Variants in HK2 observed in about 807,000 individuals in gnomAD.
The protein encoded by HK2 is hexokinase-2.
In HK2, 42 loss-of-function variants were observed where a neutral mutation model predicts 92.9. The observed-to-expected ratio is 0.45, with a 90% CI of 0.35 to 0.58. The LOEUF (loss-of-function observed/expected upper bound fraction) is 0.58. Ranked by LOEUF, HK2 falls within the 20% of genes least tolerant of loss-of-function variation. The pLI, the probability that HK2 is intolerant of heterozygous loss-of-function variation, is 0.00. For missense variants in HK2, 978 were observed against 1,245.1 expected (o/e 0.79, Z 3.23); for synonymous variants, 422 against 468.0 (o/e 0.90, Z 1.27).
chr2:74,874,252 C>T lies in HK2; in HGVS notation c.692-14C>T, dbSNP rs1326166508. On this transcript the variant is annotated splice_polypyrimidine_tract_variant and intron_variant, in intron 6 of 17. Transcript: ENST00000290573. ...CGGAGCAGGCGTGTGCATAGCCGTCCCTTGTTTTGGCAGGCACGGGCAGCA... is the reference window on the plus strand; with the variant it reads ...CGGAGCAGGCGTGTGCATAGCCGTCTCTTGTTTTGGCAGGCACGGGCAGCA... 3 of 1,614,016 alleles carry T rather than the reference C, an allele frequency of 1.9e-6. No individual in the cohort carries two copies. The highest frequency in any genetic ancestry group is 2.5e-6 in the Non-Finnish European group (3 of 1,180,018).
intron 6 of HK2, 149 bp downstream of exon 6, chr2:74,874,092 C>A: frequency 1.0e-6 from 1 of 973,572 alleles, no homozygotes; most frequent in Non-Finnish European, 1.6e-6. Flanking sequence ...CGAGCAGGGA[C>A]TCATGGAGTT....
intron 2 of HK2, among the ~76,000 whole-genome samples, chr2:74,857,607 C>G (rs964007567): frequency 6.6e-6 from 1 of 152,136 alleles, no homozygotes; most frequent in African/African-American, 2.4e-5. Context: ...AGTTGCGCCA[C>G]TGCACTCCAG....
chr2:74,866,320 A>G (rs572197926), intron 2 of HK2, among the ~76,000 whole-genome samples: 1 of 152,276 alleles, frequency 6.6e-6, no homozygotes, highest in African/African-American at 2.4e-5. Flanking sequence ...CCACCAGGAA[A>G]GGGGTTGAGT....
rs190974212 is a variant in HK2, at chr2:74,838,578, G to A, written c.63+3935G>A. On this transcript the variant is annotated intron_variant, in intron 1 of 17. Transcript: ENST00000290573. ...TTTTGAGACGGAGTCTCGCTCTGTC[G>A]CCCAGGCTGGAGTGCAGTGGCGCAA... Among the ~76,000 whole-genome samples the A allele has an allele frequency of 2.6e-3, 375 of 141,812 alleles. 1 individual carries two copies. Among genetic ancestry groups the A allele is most frequent in the African/African-American group, 9.7e-3 (366 of 37,736 alleles). The allele number at this position is 141,812 out of a possible 152,430, so 93.0% of individuals were successfully genotyped here.
chr2:74,885,957 G>A (rs1264596110), intron 13 of HK2, among the ~76,000 whole-genome samples: 4 of 151,518 alleles, frequency 2.6e-5, no homozygotes, highest in Non-Finnish European at 5.9e-5. Context: ...ACATTTTTAT[G>A]GTTATTTCTT....
At position 74,886,440 on chromosome 2, in the gene HK2, G is replaced by A. The variant is rs1246472892; in HGVS notation, c.2035+47G>A. The A allele has an allele frequency of 2.5e-6, 4 of 1,613,638 alleles. No individual in the cohort carries two copies. The Admixed American group carries it at 5.0e-5, about 20-fold the overall frequency. ...TCCACATGGGGATGCACAGCCTTGG[G>A]TGTGGAGGGGTTGGTGCTGAGTGAG... On this transcript the variant is annotated intron_variant, in intron 14 of 17. Coordinates refer to ENST00000290573, the MANE Select transcript of HK2 (RefSeq NM_000189.5).
Position 74,874,437 on chromosome 2 carries a change from C to G in HK2, c.863C>G (p.Pro288Arg), listed in dbSNP as rs1241420576. 6.2e-7 allele frequency: 1 copy of G among 1,604,660 alleles called. No homozygotes were observed. The highest frequency in any genetic ancestry group is 1.3e-5 in the African/African-American group (1 of 74,688). The change falls in exon 7 of 18, where the codon CCG becomes CGG. Residue 288 changes from proline to arginine, a missense_variant. Physicochemically the swap from Pro to Arg is moderately radical, Grantham distance 103 (BLOSUM62 -2). Around this residue, in one of 3 missense-constraint regions of HK2, gnomAD observed 742 missense variants for 922.5 expected, o/e 0.80. Transcript: ENST00000290573. ...DQEIDMGSLNPGKQLFEKMIS... is the reference protein window; with the variant it reads ...DQEIDMGSLNRGKQLFEKMIS... ...GAGATTGACATGGGCTCACTGAACC[C>G]GGGAAAGCAACTGTGAGTAGGCCCT...
chr2:74,886,234 G>T, intron 13 of HK2, 60 bp from the exon 14 acceptor site: 1 of 1,187,340 alleles, frequency 8.4e-7, no homozygotes, highest in Non-Finnish European at 1.3e-6. Flanking sequence ...CCATGCAATT[G>T]TCTGAAAGGA....
intron 13 of HK2, 117 bp from the exon 14 acceptor site, chr2:74,886,177 G>C (rs2104010776): frequency 2.5e-6 from 2 of 814,438 alleles, no homozygotes; most frequent in East Asian, 2.6e-5. Context: ...TGGAATGAGA[G>C]GGTCAGCCAT....
At chr2:74,870,774 A>T (rs1689079852) in intron 3 of HK2, among the ~76,000 whole-genome samples, 1 of 152,154 alleles carries the variant, frequency 6.6e-6, no homozygotes, top group Non-Finnish European at 1.5e-5. Context: ...TGCACTGGTG[A>T]TCCCCATGGC....
intron 1 of HK2, among the ~76,000 whole-genome samples, chr2:74,839,487 C>T (rs1414791754): frequency 6.6e-6 from 1 of 152,142 alleles, no homozygotes; most frequent in African/African-American, 2.4e-5. Flanking sequence ...GGTAACCTAA[C>T]TCTGTCCCTT....
intron 7 of HK2, among the ~76,000 whole-genome samples, chr2:74,875,629 TGA>T (rs1689211570): frequency 6.6e-6 from 1 of 152,088 alleles, no homozygotes; most frequent in South Asian, 2.1e-4. Context: ...GCGCCCGGCC[TGA>T]GAGTCCTTGC....
At chr2:74,839,221 G>C (rs1012616490) in intron 1 of HK2, among the ~76,000 whole-genome samples, 5 of 152,154 alleles carry the variant, frequency 3.3e-5, no homozygotes, top group Admixed American at 1.3e-4. Context: ...ATACTTTTCA[G>C]TTGTCTAGAG....
intron 13 of HK2, among the ~76,000 whole-genome samples, 163 bp downstream of exon 13, chr2:74,885,752 A>G (rs1689510642): frequency 6.6e-6 from 1 of 151,934 alleles, no homozygotes; most frequent in South Asian, 2.1e-4. Context: ...GTGTCAAGCA[A>G]TGCTCTCAGC....
intron 4 of HK2, among the ~76,000 whole-genome samples, 163 bp from the exon 5 acceptor site, chr2:74,873,113 T>C (rs1689137620): frequency 6.6e-6 from 1 of 152,242 alleles, no homozygotes; most frequent in Admixed American, 6.5e-5. Context: ...GTGCCAGTTG[T>C]CCTGAGTTTC....
At chr2:74,850,272 G>C (rs1272583302) in intron 1 of HK2, among the ~76,000 whole-genome samples, 3 of 152,218 alleles carry the variant, frequency 2.0e-5, no homozygotes, top group African/African-American at 7.2e-5. Context: ...ATGTGATTCT[G>C]ATGTGCAGCA....
intron 1 of HK2, among the ~76,000 whole-genome samples, chr2:74,843,880 C>G (rs1688373110): frequency 6.6e-6 from 1 of 152,240 alleles, no homozygotes; most frequent in East Asian, 1.9e-4. Context: ...TCAGTCCCCT[C>G]CATGAAGTCC....
intron 2 of HK2, among the ~76,000 whole-genome samples, chr2:74,861,865 A>G (rs1194737776): frequency 6.6e-6 from 1 of 152,240 alleles, no homozygotes; most frequent in Non-Finnish European, 1.5e-5. Flanking sequence ...TGTCTTGGCA[A>G]GATCGTTTGG....
At chr2:74,885,845 AACACACACACACAC>A (rs71406901) in intron 13 of HK2, among the ~76,000 whole-genome samples, 35 of 129,126 alleles carry the variant, frequency 2.7e-4, no homozygotes, top group Admixed American at 1.9e-3. Context: ...AGAGCTGTGA[AACACACACACACAC>A]ACACACACAC....
Sources: gnomAD v4.1 joint callset for allele counts (sites outside exome capture counted in the v4.1 genomes callset) on GRCh38, gnomAD v4.1.1 for gene constraint, gnomAD v4.1.1 regional missense constraint, MANE v1.5 for transcripts, NCBI Gene and HGNC (gene_info 2026-07-23, HGNC 2026-07-21) for gene names.